The following THEM5 variants were observed in gnomAD, a reference collection of about 807,000 sequenced individuals.
THEM5 encodes the protein acyl-coenzyme A thioesterase THEM5.
A neutral mutation model predicts 24.2 loss-of-function variants in THEM5; 28 were observed. That is an observed-to-expected ratio of 1.16 (90% CI 0.86 to 1.59). THEM5 has a LOEUF of 1.59. THEM5 is among the 40% of genes most tolerant of loss of function. The pLI is 0.00. For synonymous variants in THEM5, 87 were observed against 114.5 expected (o/e 0.76, Z 1.53); for missense variants, 260 against 296.8 (o/e 0.88, Z 0.91).
chr1:151,849,101 C>A (rs780010745), intron 3 of THEM5, among the ~76,000 whole-genome samples: 1 of 151,886 alleles, frequency 6.6e-6, no homozygotes. Flanking sequence ...GCGCCTGTAA[C>A]TCAGCTACTC....
At chr1:151,850,041 G>A (rs1233674073) in intron 3 of THEM5, among the ~76,000 whole-genome samples, 2 of 152,244 alleles carry the variant, frequency 1.3e-5, no homozygotes, top group Non-Finnish European at 2.9e-5. Context: ...ACAGCCTAGT[G>A]TGTGGAGCAG....
At chr1:151,848,374 G>A (rs1653010016) in intron 3 of THEM5, 82 bp from the exon 4 acceptor site, 2 of 1,076,942 alleles carry the variant, frequency 1.9e-6, no homozygotes, top group Non-Finnish European at 2.8e-6. Context: ...CCTCCCTCCT[G>A]TGGTGATCCT....
chr1:151,850,166 A>C (rs988378557), intron 3 of THEM5: 1 of 152,228 alleles, frequency 6.6e-6, no homozygotes, highest in Non-Finnish European at 1.5e-5. Context: ...ATTTAACCCC[A>C]GTTAAGCCCC....
chr1:151,852,985 C>G (rs1160816188), intron 1 of THEM5, among the ~76,000 whole-genome samples: 1 of 152,228 alleles, frequency 6.6e-6, no homozygotes. Context: ...AGGGTGGCTC[C>G]TTTGAAACAC....
chr1:151,848,363 C>A, intron 3 of THEM5, 71 bp from the exon 4 acceptor site: 1 of 1,207,464 alleles, frequency 8.3e-7, no homozygotes, highest in Non-Finnish European at 1.2e-6. Context: ...AATGGGCCTT[C>A]CCTCCCTCCT....
rs1450718248 is a variant in THEM5, at chr1:151,853,458, G to A, written c.108C>T (p.Ser36=). 3 of 1,613,884 alleles carry A rather than the reference G, an allele frequency of 1.9e-6. No individual in the cohort carries two copies. Among genetic ancestry groups the A allele is most frequent in the East Asian group, 2.2e-5 (1 of 44,888 alleles). The part of the protein sequence containing the change: ...PRLNPASAFG[S]STDSMFSRFL... ...GGGAACTCACCATGGAGTCTGTGGA[G>A]GATCCAAATGCTGAGGCAGGGTTGA... is the stretch of plus-strand genomic sequence containing the variant. The change falls in exon 1 of 6, where the codon TCC becomes TCT. Residue 36 remains serine (S), a synonymous_variant. Coordinates refer to ENST00000368817, the MANE Select transcript of THEM5 (RefSeq NM_182578.4).
chr1:151,848,299 G>C lies in THEM5; in HGVS notation c.465-7C>G, dbSNP rs377192675. The C allele has an allele frequency of 6.2e-7, 1 of 1,613,076 alleles. No homozygotes were observed. The highest frequency in any genetic ancestry group is 2.2e-5 in the East Asian group (1 of 44,874). Reference sequence around the variant, plus strand: ...GGACCCGCCGTGAGCAAACCTGGGGGTGGGGTAAGGTGAGGAGCAAGGCCT... The same window carrying C: ...GGACCCGCCGTGAGCAAACCTGGGGCTGGGGTAAGGTGAGGAGCAAGGCCT... On this transcript the variant is annotated splice_region_variant and splice_polypyrimidine_tract_variant and intron_variant, in intron 3 of 5. Transcript: ENST00000368817.
chr1:151,853,645 G>A lies in THEM5; in HGVS notation c.-80C>T, dbSNP rs1653185957. 1.3e-6 allele frequency: 2 copies of A among 1,481,830 alleles called. No homozygotes were observed. Among genetic ancestry groups the A allele is most frequent in the Non-Finnish European group, 1.8e-6 (2 of 1,110,504 alleles). 91.8% of individuals were successfully genotyped at this position (1,481,830 alleles called of 1,614,324 possible). ...AGGAGTGCTTTCAGCTGCACTTGGGGCCGCTTCTCTCCCTTCTGTTGCAGG... is the reference window on the plus strand; with the variant it reads ...AGGAGTGCTTTCAGCTGCACTTGGGACCGCTTCTCTCCCTTCTGTTGCAGG... On this transcript the variant is annotated 5_prime_UTR_variant, in exon 1 of 6. Coordinates refer to ENST00000368817, the MANE Select transcript of THEM5 (RefSeq NM_182578.4).
Position 151,848,181 on chromosome 1 carries a change from CT to C in THEM5, c.575del (p.Asn192ThrfsTer2). 1 of 1,614,172 alleles carries C rather than the reference CT, an allele frequency of 6.2e-7. No homozygotes were observed. The highest frequency in any genetic ancestry group is 8.5e-7 in the Non-Finnish European group (1 of 1,179,996). ...FTLSLNIRFK[N>X]LIPVDSLVVM... is the part of the protein sequence containing the mutation. The stretch of plus-strand genomic sequence containing the variant: ...CCAATGCCCCAGGGGCCCATACTTA[CT>C]TTTTGAACCTGATGTTGAGACTTAG... On this transcript the variant is annotated frameshift_variant and splice_region_variant, in exon 4 of 6. Coordinates refer to ENST00000368817, the MANE Select transcript of THEM5 (RefSeq NM_182578.4). LOFTEE classifies it high-confidence loss of function.
Position 151,847,719 on chromosome 1 carries a change from G to A in THEM5, c.700+19C>T, listed in dbSNP as rs984804756. ...TGGTGGTGGGACGGGGCCTGGGGCT[G>A]GGCTGGGGGCTCCTTTACCTGAGGA... On this transcript the variant is annotated intron_variant, in intron 5 of 5. Transcript: ENST00000368817. 1.9e-6 allele frequency: 3 copies of A among 1,612,562 alleles called. No individual in the cohort carries two copies. In the South Asian group the frequency reaches 3.3e-5, roughly 18 times the overall value.
rs1347397398 is a variant in THEM5 at position 151,848,206 on chromosome 1, A to G, written c.551T>C (p.Leu184Pro). 1.2e-6 allele frequency: 2 copies of G among 1,614,200 alleles called. No homozygotes were observed. Among genetic ancestry groups the G allele is most frequent in the Non-Finnish European group, 1.7e-6 (2 of 1,180,036 alleles). Residue 184 changes from leucine to proline, a missense_variant, in exon 4 of 6, where the codon CTA (leucine) becomes CCA (proline). Transcript: ENST00000368817. ...AFLAGEGLFTLSLNIRFKNLI... is the reference protein window; with the variant it reads ...AFLAGEGLFTPSLNIRFKNLI... ...CTTTTTGAACCTGATGTTGAGACTTAGTGTGAACAGCCCCTCTCCAGCCAG... is the reference window on the plus strand; with the variant it reads ...CTTTTTGAACCTGATGTTGAGACTTGGTGTGAACAGCCCCTCTCCAGCCAG...
intron 2 of THEM5, 33 bp downstream of exon 2, chr1:151,852,225 C>G (rs1232835852): frequency 3.1e-6 from 5 of 1,604,012 alleles, no homozygotes; most frequent in Non-Finnish European, 8.5e-7. Context: ...GGAAGGGCGG[C>G]TGGGGTGTGT....
In THEM5 at chr1:151,853,525, T is replaced by C. The variant is rs1339604899; in HGVS notation, c.41A>G (p.His14Arg). 2 of 1,613,502 alleles carry C rather than the reference T, an allele frequency of 1.2e-6. No individual in the cohort carries two copies. Among genetic ancestry groups the C allele is most frequent in the Non-Finnish European group, 1.7e-6 (2 of 1,179,748 alleles). Residue 14 changes from histidine (H) to arginine (R), a missense_variant, in exon 1 of 6, where the codon CAC (histidine) becomes CGC (arginine). Coordinates refer to ENST00000368817, the MANE Select transcript of THEM5 (RefSeq NM_182578.4). ...GGGGGCCTCAAGAAGGCCTCTGTGG[T>C]GGCCAAGTCTTGCTGCCACCTGGAA... ...RCFQVAARLG[H>R]HRGLLEAPRI... is the part of the protein sequence containing the mutation.
intron 1 of THEM5, among the ~76,000 whole-genome samples, chr1:151,853,042 A>C (rs116322666): frequency 6.6e-6 from 1 of 152,168 alleles, no homozygotes; most frequent in African/African-American, 2.4e-5. Context: ...GGCACAGACT[A>C]TGTGCCCATC....
At chr1:151,848,131 G>C (rs1184559815) in intron 4 of THEM5, 51 bp downstream of exon 4, 2 of 1,580,806 alleles carry the variant, frequency 1.3e-6, no homozygotes, top group South Asian at 2.2e-5. Flanking sequence ...GCCACTTCCA[G>C]GGATGAAAAG....
In THEM5 at chr1:151,852,293, C is replaced by T. The variant is rs767415506; in HGVS notation, c.290G>A (p.Gly97Glu). The T allele has an allele frequency of 3.7e-6, 6 of 1,613,894 alleles. No homozygotes were observed. The highest frequency in any genetic ancestry group is 4.2e-6 in the Non-Finnish European group (5 of 1,180,000). ...SFKSNRDHIR[G>E]LKLPSGLAVS... ...TGCCAGTCCAGATGGGAGCTTGAGTCCCCGGATGTGGTCTCTGTTGGACTT... is the reference window on the plus strand; with the variant it reads ...TGCCAGTCCAGATGGGAGCTTGAGTTCCCGGATGTGGTCTCTGTTGGACTT... Residue 97 changes from glycine to glutamate, a missense_variant, in exon 2 of 6, where the codon GGA (glycine) becomes GAA (glutamate). Physicochemically the swap from Gly to Glu is moderately conservative, Grantham distance 98. Coordinates refer to ENST00000368817, the MANE Select transcript of THEM5 (RefSeq NM_182578.4).
intron 2 of THEM5, among the ~76,000 whole-genome samples, chr1:151,851,517 A>C (rs1288229768): frequency 4.6e-5 from 7 of 152,254 alleles, no homozygotes; most frequent in Non-Finnish European, 7.3e-5. Flanking sequence ...TCAAAAGAAT[A>C]ATAGTAAACA....
chr1:151,851,588 A>C (rs1232277024), intron 2 of THEM5, among the ~76,000 whole-genome samples: 1 of 152,102 alleles, frequency 6.6e-6, no homozygotes, highest in African/African-American at 2.4e-5. Context: ...GACAGCTACC[A>C]CTACTACATC....
Position 151,853,506 on chromosome 1 carries a change from C to CT in THEM5, c.59dup (p.Ala21GlyfsTer58), listed in dbSNP as rs1653182445. ...TGAGTCTGGGCAGGATACGGGGGGC[C>CT]TCAAGAAGGCCTCTGTGGTGGCCAA... On this transcript the variant is annotated frameshift_variant, in exon 1 of 6. Transcript: ENST00000368817. LOFTEE classifies it high-confidence loss of function. The CT allele has an allele frequency of 6.2e-7, 1 of 1,613,780 alleles. No individual in the cohort carries two copies. Among genetic ancestry groups the CT allele is most frequent in the Admixed American group, 1.7e-5 (1 of 59,954 alleles).
Sources: gnomAD v4.1 joint callset for allele counts (sites outside exome capture counted in the v4.1 genomes callset) on GRCh38, gnomAD v4.1.1 for gene constraint, MANE v1.5 for transcripts, NCBI Gene and HGNC (gene_info 2026-07-23, HGNC 2026-07-21) for gene names.